The following C11orf65 variants were observed in gnomAD, a reference collection of about 807,000 sequenced individuals.
C11orf65 encodes protein MFI.
In C11orf65, 38 loss-of-function variants were observed where a neutral mutation model predicts 35.3. The observed-to-expected ratio is 1.08, with a 90% CI of 0.83 to 1.41. The LOEUF (loss-of-function observed/expected upper bound fraction) is 1.41. Ranked by LOEUF, C11orf65 falls within the 40% of genes most tolerant of loss-of-function variation. The pLI is 0.00. For synonymous variants in C11orf65, 105 were observed against 114.4 expected (o/e 0.92, Z 0.53); for missense variants, 370 against 367.1 (o/e 1.01, Z -0.06).
At chr11:108,323,031 T>A (rs1388212728) in intron 6 of C11orf65, among the ~76,000 whole-genome samples, 1 of 152,132 alleles carries the variant, frequency 6.6e-6, no homozygotes, top group Non-Finnish European at 1.5e-5. Flanking sequence ...GCCCTGCTAT[T>A]TTGAATTACT....
intron 6 of C11orf65, chr11:108,312,311 C>A: frequency 1.2e-6 from 1 of 859,074 alleles, no homozygotes; most frequent in Non-Finnish European, 2.0e-6. Context: ...TTTTGTTTGC[C>A]ACCTTCATTA....
chr11:108,442,371 G>A (rs1245818383), intron 2 of C11orf65, among the ~76,000 whole-genome samples: 1 of 152,174 alleles, frequency 6.6e-6, no homozygotes, highest in Non-Finnish European at 1.5e-5. Context: ...AAAGTGATGT[G>A]GAGAATGGAA....
downstream of C11orf65, among the ~76,000 whole-genome samples, chr11:108,328,395 T>A (rs1257575445): frequency 6.6e-6 from 1 of 152,094 alleles, no homozygotes; most frequent in Non-Finnish European, 1.5e-5. Flanking sequence ...TACAGGAGTG[T>A]GCCACCACAC....
At chr11:108,350,217 C>T (rs1591290698) in intron 2 of C11orf65, among the ~76,000 whole-genome samples, 1 of 152,274 alleles carries the variant, frequency 6.6e-6, no homozygotes, top group Middle Eastern at 3.4e-3. Context: ...CAGTCCTCAA[C>T]ATCCTTGGAG....
rs201990371 is a variant in C11orf65, at chr11:108,332,056, C to T, written c.300-489G>A. 37 of 1,612,154 alleles carry T rather than the reference C, an allele frequency of 2.3e-5. No individual in the cohort carries two copies. Among genetic ancestry groups the T allele is most frequent in the Middle Eastern group, 1.7e-4 (1 of 6,054 alleles). On this transcript the variant is annotated intron_variant, in intron 3 of 3. Coordinates refer to the C11orf65 transcript ENST00000524755. Reference sequence around the variant, plus strand: ...TGATGAGGTATTTGGATTAAACATACGTACCTTTTAGAAGTGTGATATTCA... The same window carrying T: ...TGATGAGGTATTTGGATTAAACATATGTACCTTTTAGAAGTGTGATATTCA...
At position 108,331,875 on chromosome 11, in the gene C11orf65, A is replaced by G. The variant is rs1057523067; in HGVS notation, c.300-308T>C. ...GCATAAATCTAATAGTTCTTTTCTTACAGCTAATCTCTAGAATTTCAATGG... is the reference window on the plus strand; with the variant it reads ...GCATAAATCTAATAGTTCTTTTCTTGCAGCTAATCTCTAGAATTTCAATGG... On this transcript the variant is annotated intron_variant, in intron 3 of 3. Transcript: ENST00000524755. The G allele has an allele frequency of 6.2e-7, 1 of 1,612,990 alleles. No individual in the cohort carries two copies. Among genetic ancestry groups the G allele is most frequent in the Admixed American group, 1.7e-5 (1 of 59,996 alleles).
intron 1 of C11orf65, 72 bp downstream of exon 1, chr11:108,467,399 A>T (rs1476612510): frequency 1.3e-5 from 2 of 152,384 alleles, no homozygotes; most frequent in Non-Finnish European, 2.9e-5. Flanking sequence ...ACGAAGGCTC[A>T]AACCAGTGGG....
At chr11:108,347,501 A>G in intron 2 of C11orf65, 1 of 720,982 alleles carries the variant, frequency 1.4e-6, no homozygotes, top group Non-Finnish European at 2.3e-6. Context: ...TTTTGTTTTC[A>G]GCATAAACAG....
intron 2 of C11orf65, among the ~76,000 whole-genome samples, chr11:108,362,723 C>A (rs1405899524): frequency 6.9e-6 from 1 of 144,760 alleles, no homozygotes; most frequent in African/African-American, 2.6e-5. Flanking sequence ...ACCGCATATT[C>A]TCACTCATAG....
At chr11:108,314,331 C>A (rs550088077) in intron 6 of C11orf65, among the ~76,000 whole-genome samples, 2 of 152,138 alleles carry the variant, frequency 1.3e-5, no homozygotes, top group African/African-American at 2.4e-5. Context: ...ATCTTGAATT[C>A]CTGAGCTCAA....
chr11:108,329,166 A>C (rs786203311), downstream of C11orf65: 3 of 1,614,094 alleles, frequency 1.9e-6, no homozygotes, highest in Non-Finnish European at 2.5e-6. Context: ...GAATTTGAAA[A>C]CAAGCAAGCT....
Position 108,353,860 on chromosome 11 carries a change from T to A in C11orf65, c.227-18568A>T, listed in dbSNP as rs1166849874. 1.2e-6 allele frequency: 2 copies of A among 1,613,206 alleles called. 1 individual carries two copies. The highest frequency in any genetic ancestry group is 1.7e-6 in the Non-Finnish European group (2 of 1,179,450). ...TTGTGGATGGCATGGGCATTACGGG[T>A]GTTGAAGGTGTCTTCAGAAGGTAAG... On this transcript the variant is annotated intron_variant, in intron 2 of 3. Coordinates refer to the C11orf65 transcript ENST00000524755.
At chr11:108,371,907 A>C (rs978828471) in intron 2 of C11orf65, among the ~76,000 whole-genome samples, 9 of 152,248 alleles carry the variant, frequency 5.9e-5, no homozygotes, top group East Asian at 1.9e-4. Context: ...TTCTGTTTTT[A>C]TGTTTTGAGT....
At chr11:108,348,687 A>C (rs929784736) in intron 2 of C11orf65, among the ~76,000 whole-genome samples, 1 of 152,166 alleles carries the variant, frequency 6.6e-6, no homozygotes, top group African/African-American at 2.4e-5. Flanking sequence ...TAATTAAAGG[A>C]AATAAGTTAT....
chr11:108,437,502 G>A (rs564846046), intron 2 of C11orf65, among the ~76,000 whole-genome samples: 5 of 151,792 alleles, frequency 3.3e-5, no homozygotes, highest in East Asian at 3.9e-4. Flanking sequence ...TCAAGAGATC[G>A]AAACCATCCT....
In C11orf65 at chr11:108,332,796, C is replaced by T. The variant is rs1350198091; in HGVS notation, c.300-1229G>A. On this transcript the variant is annotated intron_variant, in intron 3 of 3. Coordinates refer to the C11orf65 transcript ENST00000524755. ...GAGGCTGCAAATAGAATAATATGTA[C>T]TATCAGAAGTAGGAGACCTCAGATG... 1 of 1,613,156 alleles carries T rather than the reference C, an allele frequency of 6.2e-7. No homozygotes were observed. Among genetic ancestry groups the T allele is most frequent in the Non-Finnish European group, 8.5e-7 (1 of 1,179,734 alleles).
intron 2 of C11orf65, among the ~76,000 whole-genome samples, chr11:108,377,062 CT>C (rs1341518199): frequency 2.0e-5 from 3 of 151,424 alleles, no homozygotes; most frequent in Admixed American, 6.6e-5. Context: ...CAAGGAGGAA[CT>C]GGTACCATTC....
chr11:108,440,196 T>C (rs760666737), intron 2 of C11orf65, among the ~76,000 whole-genome samples: 2 of 152,218 alleles, frequency 1.3e-5, no homozygotes, highest in Non-Finnish European at 2.9e-5. Flanking sequence ...ATATTGTAAC[T>C]TTGCCCTTTC....
At chr11:108,355,298 A>G (rs652541) in intron 2 of C11orf65, 130,450 of 215,928 alleles carry the variant, frequency 0.6, 40,146 homozygotes, top group Middle Eastern at 0.75. Context: ...CTAGAGGAAC[A>G]TGGCTTAGGA....
Sources: allele counts gnomAD v4.1 joint callset (sites outside exome capture counted in the v4.1 genomes callset), GRCh38; gene constraint gnomAD v4.1.1; transcripts MANE v1.5; gene names NCBI Gene and HGNC (gene_info 2026-07-23, HGNC 2026-07-21).